The following LHFPL3 variants were observed in gnomAD, a reference collection of about 807,000 sequenced individuals.
LHFPL3 encodes the protein LHFPL tetraspan subfamily member 3 protein.
In LHFPL3, 5 loss-of-function variants were observed where a neutral mutation model predicts 19.3. The ratio of observed to expected loss-of-function variants is 0.26; its 90% confidence interval spans 0.14 to 0.54. The LOEUF (loss-of-function observed/expected upper bound fraction) is 0.54. LHFPL3 is among the 20% of genes least tolerant of loss of function. LHFPL3 has a pLI of 0.94. For synonymous variants in LHFPL3, 133 were observed against 126.2 expected (o/e 1.05, Z -0.36); for missense variants, 249 against 307.4 (o/e 0.81, Z 1.42).
At chr7:104,352,452 T>G (rs1790197041) in intron 1 of LHFPL3, among the ~76,000 whole-genome samples, 1 of 152,192 alleles carries the variant, frequency 6.6e-6, no homozygotes. Flanking sequence ...CCCGCTTTTT[T>G]AAAGCAGGTC....
intron 2 of LHFPL3, chr7:104,799,643 G>A (rs1790202299): frequency 6.6e-6 from 1 of 152,648 alleles, no homozygotes; most frequent in South Asian, 2.1e-4. Flanking sequence ...CTTGGGTATT[G>A]ATGATCCTGG....
At chr7:104,755,854 C>A (rs1288922121) in intron 2 of LHFPL3, among the ~76,000 whole-genome samples, 1 of 152,144 alleles carries the variant, frequency 6.6e-6, no homozygotes, top group East Asian at 1.9e-4. Flanking sequence ...CGCCACCACG[C>A]CCGGTTAATT....
At chr7:104,427,298 T>C (rs1245957447) in intron 1 of LHFPL3, among the ~76,000 whole-genome samples, 3 of 152,218 alleles carry the variant, frequency 2.0e-5, no homozygotes, top group African/African-American at 4.8e-5. Context: ...TAGTAAAATA[T>C]CATTATTTCT....
At chr7:104,531,586 T>C (rs73407682) in intron 1 of LHFPL3, among the ~76,000 whole-genome samples, 2 of 152,130 alleles carry the variant, frequency 1.3e-5, no homozygotes, top group Admixed American at 1.3e-4. Context: ...CCACCTACTG[T>C]GTGCAGTCAT....
chr7:104,898,583 G>A (rs2116722491), intron 2 of LHFPL3, among the ~76,000 whole-genome samples: 1 of 152,338 alleles, frequency 6.6e-6, no homozygotes, highest in South Asian at 2.1e-4. Context: ...AACTGGGAGA[G>A]AGGGGCACAA....
intron 2 of LHFPL3, among the ~76,000 whole-genome samples, chr7:104,850,815 C>T (rs1316226066): frequency 1.3e-5 from 2 of 151,806 alleles, no homozygotes; most frequent in East Asian, 3.9e-4. Flanking sequence ...TTGAGAGCCA[C>T]TGCTCCAAAC....
rs537085341 is a variant in LHFPL3 at position 104,705,390 on chromosome 7, C to G, written c.446-31285C>G. Among the ~76,000 whole-genome samples, 8 of 152,288 alleles carry G rather than the reference C, an allele frequency of 5.3e-5. No individual in the cohort carries two copies. In the East Asian group the frequency reaches 1.5e-3, roughly 29 times the overall value. On this transcript the variant is annotated intron_variant, in intron 1 of 2. Coordinates refer to ENST00000424859, the MANE Select transcript of LHFPL3 (RefSeq NM_199000.3). ...TCTTCCAAACCACTATGTCATTTCT[C>G]AACAGCAGCCATCATCTTCAGTTTG...
intron 1 of LHFPL3, among the ~76,000 whole-genome samples, chr7:104,700,957 G>A (rs891736105): frequency 1.3e-5 from 2 of 151,996 alleles, no homozygotes; most frequent in African/African-American, 4.8e-5. Flanking sequence ...CTGCTCTACT[G>A]GTTAGGATCT....
chr7:104,584,909 TC>T (rs533078775), intron 1 of LHFPL3, among the ~76,000 whole-genome samples: 172 of 152,304 alleles, frequency 1.1e-3, no homozygotes, highest in Non-Finnish European at 1.9e-3. Context: ...TCCACTGAAA[TC>T]CAGGATAGGC....
chr7:104,548,845 A>G lies in LHFPL3; in HGVS notation c.446-187830A>G, dbSNP rs10255453. Among the ~76,000 whole-genome samples, 184 of 152,266 alleles carry G rather than the reference A, an allele frequency of 1.2e-3. 1 individual carries two copies. The highest frequency in any genetic ancestry group is 4.3e-3 in the African/African-American group (177 of 41,556). ...CTAGGGAGGATTTGAGGCAACTGCC[A>G]TTGTTTCTGCCTCAAGGACCCTTCA... On this transcript the variant is annotated intron_variant, in intron 1 of 2. Coordinates refer to ENST00000424859, the MANE Select transcript of LHFPL3 (RefSeq NM_199000.3).
chr7:104,711,259 G>A (rs1793296184), intron 1 of LHFPL3, among the ~76,000 whole-genome samples: 1 of 152,196 alleles, frequency 6.6e-6, no homozygotes, highest in Non-Finnish European at 1.5e-5. Context: ...TAGAACTGGA[G>A]CTATTGAGAT....
intron 1 of LHFPL3, among the ~76,000 whole-genome samples, chr7:104,719,843 A>G (rs1393762794): frequency 6.6e-6 from 1 of 152,194 alleles, no homozygotes; most frequent in Non-Finnish European, 1.5e-5. Flanking sequence ...TGATTCTGCC[A>G]TTTGTGGACC....
intron 1 of LHFPL3, among the ~76,000 whole-genome samples, chr7:104,520,588 T>C (rs1344605514): frequency 1.4e-5 from 2 of 138,836 alleles, no homozygotes; most frequent in Admixed American, 7.4e-5. Flanking sequence ...GGACTCTTTT[T>C]GGTTGGTAAG....
chr7:104,499,883 A>G (rs562139679), intron 1 of LHFPL3, among the ~76,000 whole-genome samples: 1 of 152,362 alleles, frequency 6.6e-6, no homozygotes, highest in Non-Finnish European at 1.5e-5. Context: ...TAGAAGAAAA[A>G]AAGGAAAATA....
intron 1 of LHFPL3, among the ~76,000 whole-genome samples, chr7:104,708,307 C>T (rs1243421771): frequency 6.6e-6 from 1 of 152,130 alleles, no homozygotes; most frequent in African/African-American, 2.4e-5. Flanking sequence ...ATAGAGGAAA[C>T]ATATCTTTCA....
intron 1 of LHFPL3, among the ~76,000 whole-genome samples, chr7:104,477,139 G>A (rs769132767): frequency 1.1e-4 from 16 of 152,086 alleles, no homozygotes; most frequent in Non-Finnish European, 1.8e-4. Flanking sequence ...ACAGGCTTGT[G>A]CCACCATGCC....
At chr7:104,631,636 A>G (rs1437525371) in intron 1 of LHFPL3, among the ~76,000 whole-genome samples, 3 of 152,194 alleles carry the variant, frequency 2.0e-5, no homozygotes, top group African/African-American at 7.2e-5. Context: ...AGAACAAGGA[A>G]TATGTTGGCC....
intron 2 of LHFPL3, among the ~76,000 whole-genome samples, chr7:104,857,232 G>C (rs952152107): frequency 4.8e-5 from 7 of 144,412 alleles, no homozygotes; most frequent in African/African-American, 1.8e-4. Context: ...TTTATTCACC[G>C]CTACCACGGC....
chr7:104,540,346 GC>G (rs2115872678), intron 1 of LHFPL3, among the ~76,000 whole-genome samples: 1 of 152,190 alleles, frequency 6.6e-6, no homozygotes, highest in African/African-American at 2.4e-5. Flanking sequence ...AGCTGATTTT[GC>G]CCCCCAGGTT....
Sources: allele counts gnomAD v4.1 joint callset (sites outside exome capture counted in the v4.1 genomes callset), GRCh38; gene constraint gnomAD v4.1.1; transcripts MANE v1.5; gene names NCBI Gene and HGNC (gene_info 2026-07-23, HGNC 2026-07-21).